RAD54L2: variants seen among roughly 807,000 people sequenced by gnomAD.
RAD54L2 encodes helicase ARIP4.
A neutral mutation model predicts 138.4 loss-of-function variants in RAD54L2; 27 were observed. The ratio of observed to expected loss-of-function variants is 0.20; its 90% CI spans 0.14 to 0.27. The LOEUF (loss-of-function observed/expected upper bound fraction) is 0.27. RAD54L2 is among the 10% of genes least tolerant of loss of function. The pLI is 1.00. For missense variants in RAD54L2, 1,396 were observed against 1,890.2 expected, an observed-to-expected ratio of 0.74 and a Z score of 4.85; for synonymous variants, 644 against 723.2, an observed-to-expected ratio of 0.89 and a Z score of 1.76.
rs1209891113 is a variant in RAD54L2, at chr3:51,637,053, G to T, written c.1340-108G>T. ...AAGGGGGGCTGACTCTTGCTTTCCTGCTTCCTTCATTTCTTCTGTCTCCTC... is the reference window on the plus strand; with the variant it reads ...AAGGGGGGCTGACTCTTGCTTTCCTTCTTCCTTCATTTCTTCTGTCTCCTC... On this transcript the variant is annotated intron_variant, in intron 10 of 22. Transcript: ENST00000684192. The surrounding 1 kb of genome is among the most constrained non-coding windows in gnomAD (Gnocchi z 5.9). The T allele has an allele frequency of 1.7e-5, 17 of 1,009,760 alleles. No individual in the cohort carries two copies. The highest frequency in any genetic ancestry group is 1.6e-5 in the Non-Finnish European group (11 of 676,004). The allele number at this position is 1,009,760 out of a possible 1,614,324, so 62.6% of individuals were successfully genotyped here.
intron 7 of RAD54L2, among the ~76,000 whole-genome samples, chr3:51,633,134 C>T (rs1456057134): frequency 6.6e-6 from 1 of 152,048 alleles, no homozygotes; most frequent in Non-Finnish European, 1.5e-5. Context: ...GCAAGAGAAT[C>T]GCTTGAACCC....
intron 3 of RAD54L2, among the ~76,000 whole-genome samples, chr3:51,624,496 G>A (rs1435072421): frequency 6.6e-6 from 1 of 152,150 alleles, no homozygotes; most frequent in Non-Finnish European, 1.5e-5. Flanking sequence ...CTGGGCTCAA[G>A]CAATTCCCTG....
chr3:51,553,329 G>C (rs1326925196), intron 2 of RAD54L2, among the ~76,000 whole-genome samples: 1 of 152,070 alleles, frequency 6.6e-6, no homozygotes, highest in Admixed American at 6.6e-5. Context: ...ACCCGCCTCC[G>C]CCTCCCAAAG....
chr3:51,589,072 T>C (rs936173306), intron 2 of RAD54L2, among the ~76,000 whole-genome samples: 1 of 152,162 alleles, frequency 6.6e-6, no homozygotes, highest in Non-Finnish European at 1.5e-5. Flanking sequence ...AACTCTAGAA[T>C]AGCACCTGCG....
chr3:51,601,097 A>T (rs1700069981), intron 3 of RAD54L2, among the ~76,000 whole-genome samples: 1 of 152,224 alleles, frequency 6.6e-6, no homozygotes, highest in Non-Finnish European at 1.5e-5. Context: ...TATGGAATAG[A>T]AGAACTGAAA....
chr3:51,656,615 TC>T (rs1701607410), intron 20 of RAD54L2, among the ~76,000 whole-genome samples: 1 of 152,212 alleles, frequency 6.6e-6, no homozygotes, highest in Non-Finnish European at 1.5e-5. Flanking sequence ...GGTGGGCCAG[TC>T]AGCAGTGGTG....
In RAD54L2 at chr3:51,637,120, G is replaced by A. The variant is rs1402569666; in HGVS notation, c.1340-41G>A. 5 of 1,503,762 alleles carry A rather than the reference G, an allele frequency of 3.3e-6. No homozygotes were observed. Among genetic ancestry groups the A allele is most frequent in the Non-Finnish European group, 3.6e-6 (4 of 1,104,466 alleles). The allele number at this position is 1,503,762 out of a possible 1,614,324, so 93.2% of individuals were successfully genotyped here. On this transcript the variant is annotated intron_variant, in intron 10 of 22. Coordinates refer to ENST00000684192, the MANE Select transcript of RAD54L2 (RefSeq NM_015106.4). The surrounding 1 kb of genome is among the most constrained non-coding windows in gnomAD (Gnocchi z 5.9). ...TTCTCATATTATTGACTAAGAGCAG[G>A]CCCTGTCACCCTCTGACTCCGGATC...
intron 7 of RAD54L2, among the ~76,000 whole-genome samples, chr3:51,631,753 C>T (rs1487436354): frequency 6.6e-6 from 1 of 152,112 alleles, no homozygotes; most frequent in African/African-American, 2.4e-5. Flanking sequence ...TCCTCCACCT[C>T]AGCCTAAGTA....
intron 2 of RAD54L2, among the ~76,000 whole-genome samples, chr3:51,589,771 A>G (rs1699801781): frequency 6.6e-6 from 1 of 152,010 alleles, no homozygotes; most frequent in Admixed American, 6.6e-5. Flanking sequence ...GAAACAGTTG[A>G]TACAGGAAGG....
At chr3:51,552,211 T>G (rs2108692114) in intron 2 of RAD54L2, among the ~76,000 whole-genome samples, 1 of 152,312 alleles carries the variant, frequency 6.6e-6, no homozygotes, top group South Asian at 2.1e-4. Flanking sequence ...ATCAATATTT[T>G]TATTTATTTA....
Position 51,663,292 on chromosome 3 carries a change from T to C in RAD54L2, c.4276T>C (p.Tyr1426His). 1.1e-5 allele frequency: 17 copies of C among 1,613,978 alleles called. No homozygotes were observed. Among genetic ancestry groups the C allele is most frequent in the Non-Finnish European group, 1.4e-5 (17 of 1,179,878 alleles). Residue 1426 changes from tyrosine (Y) to histidine (H), a missense_variant, in exon 23 of 23, where the codon TAC (tyrosine) becomes CAC (histidine). This residue lies in a region of RAD54L2 where 634 missense variants were observed against 711.2 expected (regional missense o/e 0.89). Coordinates refer to ENST00000684192, the MANE Select transcript of RAD54L2 (RefSeq NM_015106.4). Reference sequence around the variant, plus strand: ...AGGCTACATGTCCCCACATGCAGGCTACCCAGCTGGTGGCCTCCTACGGTC... The same window carrying C: ...AGGCTACATGTCCCCACATGCAGGCCACCCAGCTGGTGGCCTCCTACGGTC... ...YPGYMSPHAG[Y>H]PAGGLLRSQV...
chr3:51,570,149 T>A (rs1312503105), intron 2 of RAD54L2, among the ~76,000 whole-genome samples: 6 of 146,168 alleles, frequency 4.1e-5, no homozygotes, highest in African/African-American at 1.5e-4. Flanking sequence ...ATTTTTTTTT[T>A]TTTTTTTTTT....
intron 19 of RAD54L2, 127 bp from the exon 20 acceptor site, chr3:51,655,844 T>C (rs1406402434): frequency 1.3e-6 from 1 of 799,088 alleles, no homozygotes; most frequent in Non-Finnish European, 2.0e-6. Flanking sequence ...CTGCAGATTC[T>C]TCTGATCCTT....
intron 15 of RAD54L2, among the ~76,000 whole-genome samples, chr3:51,642,562 A>T (rs756493084): frequency 6.6e-6 from 1 of 152,084 alleles, no homozygotes; most frequent in South Asian, 2.1e-4. Flanking sequence ...ATTCTTTGTT[A>T]TAAGGGGCTG....
At chr3:51,606,721 C>T (rs1325230370) in intron 3 of RAD54L2, among the ~76,000 whole-genome samples, 1 of 151,790 alleles carries the variant, frequency 6.6e-6, no homozygotes, top group African/African-American at 2.4e-5. Context: ...CTTGCTGTGT[C>T]CCTCAGTCTG....
chr3:51,560,632 C>T (rs753083311), intron 2 of RAD54L2, among the ~76,000 whole-genome samples: 20 of 152,214 alleles, frequency 1.3e-4, no homozygotes, highest in African/African-American at 4.3e-4. Context: ...GCTGGGATTA[C>T]AGGTGTGAGC....
At chr3:51,549,259 G>A (rs1698775829) in intron 2 of RAD54L2, among the ~76,000 whole-genome samples, 1 of 151,890 alleles carries the variant, frequency 6.6e-6, no homozygotes, top group African/African-American at 2.4e-5. Context: ...CCCTGAAAGT[G>A]CTGGGATTAC....
rs201780001 is a variant in RAD54L2, at chr3:51,576,079, G to T, written c.-54-14288G>T. ...TGAAGGGCTGTTGAATTTTGTCAAA[G>T]GCCTTTTCTGCATCTATTGAGATAG... On this transcript the variant is annotated intron_variant, in intron 2 of 22. Coordinates refer to ENST00000684192, the MANE Select transcript of RAD54L2 (RefSeq NM_015106.4). 7.2e-5 allele frequency among the ~76,000 whole-genome samples: 11 copies of T among 152,238 alleles called. No individual in the cohort carries two copies. In the East Asian group the frequency reaches 1.5e-3, roughly 21 times the overall value.
At chr3:51,630,649 C>T in intron 6 of RAD54L2, 56 bp from the exon 7 acceptor site, 2 of 1,368,226 alleles carry the variant, frequency 1.5e-6, no homozygotes, top group Non-Finnish European at 2.1e-6. Flanking sequence ...TGACTGTGTG[C>T]AGTAAATTAT....
Sources: allele counts gnomAD v4.1 joint callset (sites outside exome capture counted in the v4.1 genomes callset), GRCh38; gene constraint gnomAD v4.1.1; regional missense constraint gnomAD v4.1.1; non-coding constraint Gnocchi (gnomAD v3.1); transcripts MANE v1.5; gene names NCBI Gene and HGNC (gene_info 2026-07-23, HGNC 2026-07-21).